Variants in GRM5 observed in about 807,000 individuals in gnomAD.
GRM5 encodes the protein glutamate metabotropic receptor 5.
GRM5 carries 19 observed loss-of-function variants against 83.1 expected under a neutral mutation model. The observed-to-expected ratio is 0.23, with a 90% CI of 0.16 to 0.34. The LOEUF is 0.34. Among genes scored for constraint, GRM5 ranks in the 10% least tolerant of loss-of-function variants. GRM5 has a pLI of 1.00. For synonymous variants in GRM5, 675 were observed against 633.6 expected (o/e 1.07, Z -0.98); for missense variants, 1,160 against 1,588.3 (o/e 0.73, Z 4.58).
chr11:88,554,718 T>C (rs767979950), intron 8 of GRM5, among the ~76,000 whole-genome samples: 1 of 152,092 alleles, frequency 6.6e-6, no homozygotes, highest in Non-Finnish European at 1.5e-5. Context: ...ATCTTTTGGA[T>C]TGGACATTGG....
intron 2 of GRM5, among the ~76,000 whole-genome samples, chr11:89,006,784 T>C (rs1216182147): frequency 6.6e-6 from 1 of 151,982 alleles, no homozygotes; most frequent in East Asian, 1.9e-4. Flanking sequence ...ATCTTTTTTG[T>C]TTTGTTTTGT....
At chr11:88,712,480 G>T (rs1261968782) in intron 3 of GRM5, among the ~76,000 whole-genome samples, 1 of 152,052 alleles carries the variant, frequency 6.6e-6, no homozygotes, top group Non-Finnish European at 1.5e-5. Context: ...CTGAAAGTAT[G>T]ACGACAGCCT....
intron 3 of GRM5, among the ~76,000 whole-genome samples, chr11:88,684,541 T>C (rs1161433539): frequency 6.6e-6 from 1 of 152,080 alleles, no homozygotes; most frequent in African/African-American, 2.4e-5. Flanking sequence ...GAGCTTAAGG[T>C]TTTTGGCTTG....
intron 2 of GRM5, among the ~76,000 whole-genome samples, chr11:89,001,725 A>G (rs1416580386): frequency 2.0e-5 from 3 of 152,270 alleles, no homozygotes; most frequent in Admixed American, 6.5e-5. Context: ...ACCTCTCTAT[A>G]TATTTCTCAC....
At chr11:88,811,528 T>C (rs1565242195) in intron 3 of GRM5, among the ~76,000 whole-genome samples, 1 of 152,090 alleles carries the variant, frequency 6.6e-6, no homozygotes, top group African/African-American at 2.4e-5. Flanking sequence ...CTCTTAGAAG[T>C]AGAGAAGAAC....
intron 2 of GRM5, among the ~76,000 whole-genome samples, chr11:89,024,141 G>A (rs1177184242): frequency 6.6e-6 from 1 of 152,046 alleles, no homozygotes; most frequent in Non-Finnish European, 1.5e-5. Flanking sequence ...ATTTGAACCT[G>A]GGAGGCAGAG....
chr11:88,848,238 G>C (rs570911123), intron 3 of GRM5, among the ~76,000 whole-genome samples: 105 of 152,238 alleles, frequency 6.9e-4, no homozygotes, highest in Non-Finnish European at 1.1e-3. Flanking sequence ...CAAAATATAT[G>C]ACATTGATAA....
chr11:89,046,185 G>A (rs530525199), intron 2 of GRM5, among the ~76,000 whole-genome samples: 1 of 152,206 alleles, frequency 6.6e-6, no homozygotes, highest in East Asian at 1.9e-4. Flanking sequence ...AATATGTGTT[G>A]CATAAATATA....
At chr11:88,512,256 CATGGCCA>C (rs144972069) in intron 9 of GRM5, 34,351 of 154,054 alleles carry the variant, frequency 0.22, 3,987 homozygotes, top group African/African-American at 0.29. Context: ...TTACAGTGCC[CATGGCCA>C]TAAGGGAGAA....
intron 2 of GRM5, among the ~76,000 whole-genome samples, chr11:88,998,383 T>C (rs545150986): frequency 6.6e-6 from 1 of 152,200 alleles, no homozygotes; most frequent in East Asian, 1.9e-4. Flanking sequence ...TTCATTGATT[T>C]AAAAAACCCA....
chr11:88,597,159 G>T (rs201662484), intron 6 of GRM5, 25 bp downstream of exon 6: 11 of 1,457,536 alleles, frequency 7.5e-6, no homozygotes, highest in Non-Finnish European at 9.2e-6. Flanking sequence ...CAACAAAAAT[G>T]AAAGAAACAT....
chr11:88,659,935 G>A (rs1446083187), intron 3 of GRM5, among the ~76,000 whole-genome samples: 1 of 152,088 alleles, frequency 6.6e-6, no homozygotes, highest in African/African-American at 2.4e-5. Context: ...TTATTGCTAT[G>A]GAAAACAGAA....
chr11:88,643,633 G>C (rs1354411), intron 4 of GRM5, among the ~76,000 whole-genome samples: 1 of 152,042 alleles, frequency 6.6e-6, no homozygotes, highest in Admixed American at 6.5e-5. Flanking sequence ...TTAATGTGGT[G>C]CAAGGATGAG....
chr11:88,715,697 A>G (rs757362292), intron 3 of GRM5, among the ~76,000 whole-genome samples: 1 of 152,016 alleles, frequency 6.6e-6, no homozygotes, highest in Non-Finnish European at 1.5e-5. Context: ...ACAGGTATTT[A>G]CTGTGTGCCA....
intron 4 of GRM5, among the ~76,000 whole-genome samples, chr11:88,623,948 T>C (rs980712710): frequency 6.6e-6 from 1 of 152,222 alleles, no homozygotes. Context: ...TTTTTAGTGA[T>C]TGCAACAAAA....
At chr11:88,819,606 A>C (rs1943750916) in intron 3 of GRM5, among the ~76,000 whole-genome samples, 1 of 152,236 alleles carries the variant, frequency 6.6e-6, no homozygotes, top group Non-Finnish European at 1.5e-5. Flanking sequence ...GTTAAAAATG[A>C]AAATAAGTTT....
chr11:88,581,224 TC>T (rs1943208170), intron 7 of GRM5, among the ~76,000 whole-genome samples: 1 of 152,242 alleles, frequency 6.6e-6, no homozygotes, highest in African/African-American at 2.4e-5. Context: ...TATTCATTTT[TC>T]ATCACTATAT....
intron 3 of GRM5, among the ~76,000 whole-genome samples, chr11:88,844,786 C>T (rs1944269122): frequency 6.6e-6 from 1 of 152,108 alleles, no homozygotes; most frequent in Non-Finnish European, 1.5e-5. Context: ...TGTTCCAATA[C>T]TTCCAGTCAA....
Position 88,885,450 on chromosome 11 carries a change from G to GGTT in GRM5, c.662-35296_662-35295insAAC, listed in dbSNP as rs1945027301. Reference sequence around the variant, plus strand: ...TTCTGAATTCTATAGTAGGTACCATGTTTTTTTTTTTTTTTTTTTTTTTTT... The same window carrying GGTT: ...TTCTGAATTCTATAGTAGGTACCATGGTTTTTTTTTTTTTTTTTTTTTTTTTTT... On this transcript the variant is annotated intron_variant, in intron 2 of 9. Coordinates refer to ENST00000305447, the MANE Select transcript of GRM5 (RefSeq NM_001143831.3). 5.9e-4 allele frequency among the ~76,000 whole-genome samples: 37 copies of GGTT among 62,664 alleles called. 9 individuals carry two copies. The highest frequency in any genetic ancestry group is 2.0e-3 in the African/African-American group (34 of 16,892). 41.1% of individuals were successfully genotyped at this position (62,664 alleles called of 152,430 possible). A position where few individuals can be genotyped will look rare whatever the true frequency, so the allele number is the denominator to read the frequency against.
Sources: gnomAD v4.1 joint callset for allele counts (sites outside exome capture counted in the v4.1 genomes callset) on GRCh38, gnomAD v4.1.1 for gene constraint, MANE v1.5 for transcripts, NCBI Gene and HGNC (gene_info 2026-07-23, HGNC 2026-07-21) for gene names.